The following CREB5 variants were observed in gnomAD, a reference collection of about 807,000 sequenced individuals.
CREB5 encodes cyclic AMP-responsive element-binding protein 5.
Under a neutral mutation model 57.1 loss-of-function variants are expected in CREB5, and 19 were observed. That is an observed-to-expected ratio of 0.33 (90% confidence interval 0.23 to 0.49). The LOEUF (loss-of-function observed/expected upper bound fraction) is 0.49, where lower values mean the gene tolerates loss of function less well. Ranked by LOEUF, CREB5 falls within the 20% of genes least tolerant of loss-of-function variation. The pLI is 0.99. For synonymous variants in CREB5, 238 were observed against 238.3 expected (o/e 1.00, Z 0.01); for missense variants, 579 against 671.6 (o/e 0.86, Z 1.52).
chr7:28,481,751 G>A (rs866375461), intron 1 of CREB5, among the ~76,000 whole-genome samples: 41 of 152,160 alleles, frequency 2.7e-4, no homozygotes, highest in Admixed American at 1.4e-3. Context: ...GATAAAATGA[G>A]TATATGCATG....
chr7:28,560,923 C>CGTGCGT (rs1308050615), intron 4 of CREB5, among the ~76,000 whole-genome samples: 3 of 19,820 alleles, frequency 1.5e-4, no homozygotes, highest in Non-Finnish European at 2.0e-4. Flanking sequence ...TGCGTGTGTG[C>CGTGCGT]GCGTGCGTGT....
chr7:28,468,951 G>T lies in CREB5; in HGVS notation c.4-19224G>T, dbSNP rs572977516. 7.9e-5 allele frequency among the ~76,000 whole-genome samples: 12 copies of T among 152,260 alleles called. No homozygotes were observed. The South Asian group carries it at 2.5e-3, about 32-fold the overall frequency. ...ATGGAGCTCAAATTCAAAATCCCACGCTCTCGACTACTATGTGATCTCCTA... is the reference window on the plus strand; with the variant it reads ...ATGGAGCTCAAATTCAAAATCCCACTCTCTCGACTACTATGTGATCTCCTA... On this transcript the variant is annotated intron_variant, in intron 1 of 10. Coordinates refer to ENST00000357727, the MANE Select transcript of CREB5 (RefSeq NM_182898.4).
intron 1 of CREB5, among the ~76,000 whole-genome samples, chr7:28,414,583 T>C (rs1257286760): frequency 6.6e-6 from 1 of 152,206 alleles, no homozygotes; most frequent in Non-Finnish European, 1.5e-5. Flanking sequence ...TGTGTTGCTA[T>C]TTGTAAAATA....
chr7:28,568,734 T>G (rs1156327497), intron 4 of CREB5, among the ~76,000 whole-genome samples: 3 of 152,150 alleles, frequency 2.0e-5, no homozygotes, highest in African/African-American at 7.2e-5. Flanking sequence ...GTGCCCAGTT[T>G]CCATCTGGAC....
At chr7:28,500,654 A>G (rs760423736) in intron 3 of CREB5, among the ~76,000 whole-genome samples, 4 of 152,228 alleles carry the variant, frequency 2.6e-5, no homozygotes, top group Non-Finnish European at 5.9e-5. Flanking sequence ...GAGGCTAATC[A>G]TGATCATCCA....
At chr7:28,511,081 G>T (rs529506954) in intron 4 of CREB5, among the ~76,000 whole-genome samples, 58 of 152,014 alleles carry the variant, frequency 3.8e-4, no homozygotes, top group South Asian at 3.7e-3. Context: ...CCTGCCTTCA[G>T]GTAGTTTACC....
chr7:28,471,519 A>G (rs973540020), intron 1 of CREB5, among the ~76,000 whole-genome samples: 1 of 152,140 alleles, frequency 6.6e-6, no homozygotes, highest in East Asian at 1.9e-4. Context: ...GTGAACCCAT[A>G]TACTCTAAAA....
At chr7:28,336,242 A>G (rs759697969) in intron 1 of CREB5, among the ~76,000 whole-genome samples, 12 of 151,874 alleles carry the variant, frequency 7.9e-5, no homozygotes, top group Non-Finnish European at 5.9e-5. Flanking sequence ...CTCCTCCTCT[A>G]TTTTTCAGAA....
intron 8 of CREB5, among the ~76,000 whole-genome samples, 188 bp downstream of exon 8, chr7:28,804,710 T>C (rs568896989): frequency 6.6e-6 from 1 of 152,180 alleles, no homozygotes; most frequent in Non-Finnish European, 1.5e-5. Flanking sequence ...ATAATTTCTA[T>C]AAATAATACA....
chr7:28,390,844 T>C (rs1336863413), intron 1 of CREB5, among the ~76,000 whole-genome samples: 1 of 152,140 alleles, frequency 6.6e-6, no homozygotes, highest in Non-Finnish European at 1.5e-5. Context: ...ATGCTTTCCC[T>C]GGCAATTGAC....
At chr7:28,410,497 A>G, upstream of CREB5, 1 of 456,688 alleles carries the variant, frequency 2.2e-6, no homozygotes, top group Non-Finnish European at 4.4e-6. Flanking sequence ...CAGCAGCTGC[A>G]TCCCGCTTCT....
intron 5 of CREB5, among the ~76,000 whole-genome samples, chr7:28,666,250 G>A (rs1418608236): frequency 1.3e-5 from 2 of 152,130 alleles, no homozygotes; most frequent in African/African-American, 4.8e-5. Context: ...GATATTTAAT[G>A]TTCTGTGCCC....
chr7:28,529,582 T>C (rs1793631098), intron 4 of CREB5, among the ~76,000 whole-genome samples: 1 of 152,140 alleles, frequency 6.6e-6, no homozygotes, highest in South Asian at 2.1e-4. Flanking sequence ...CTTCATTCCC[T>C]CAAACACAGA....
At chr7:28,492,355 G>C (rs969785381) in intron 2 of CREB5, among the ~76,000 whole-genome samples, 4 of 152,182 alleles carry the variant, frequency 2.6e-5, no homozygotes, top group African/African-American at 7.2e-5. Context: ...AGAAGGAAGA[G>C]TTTCTCTTGC....
chr7:28,488,315 C>A, intron 2 of CREB5, 69 bp downstream of exon 2: 3 of 1,421,220 alleles, frequency 2.1e-6, no homozygotes, highest in Non-Finnish European at 2.0e-6. Flanking sequence ...AACTCTCACC[C>A]GGCAATCATG....
At position 28,621,483 on chromosome 7, in the gene CREB5, C is replaced by A. The variant is rs552579882; in HGVS notation, c.464+50946C>A. Among the ~76,000 whole-genome samples, 10 of 152,274 alleles carry A rather than the reference C, an allele frequency of 6.6e-5. No homozygotes were observed. In the South Asian group the frequency reaches 1.2e-3, roughly 19 times the overall value. ...ATTTCTAGGCTTTCATGTGACAAGA[C>A]CTTCACAGACTAAATTCAGTGGTGT... On this transcript the variant is annotated intron_variant, in intron 5 of 10. Coordinates refer to ENST00000357727, the MANE Select transcript of CREB5 (RefSeq NM_182898.4).
intron 1 of CREB5, among the ~76,000 whole-genome samples, chr7:28,313,792 T>G (rs1785325093): frequency 6.6e-6 from 1 of 152,234 alleles, no homozygotes; most frequent in South Asian, 2.1e-4. Context: ...ATGCATATTT[T>G]GGCACACACG....
chr7:28,442,721 T>C (rs1376435726), intron 1 of CREB5, among the ~76,000 whole-genome samples: 1 of 152,208 alleles, frequency 6.6e-6, no homozygotes, highest in Non-Finnish European at 1.5e-5. Context: ...AACCACTAAG[T>C]TGTATAGTAA....
intron 1 of CREB5, among the ~76,000 whole-genome samples, chr7:28,454,176 A>G (rs1363864145): frequency 6.6e-6 from 1 of 151,958 alleles, no homozygotes; most frequent in Non-Finnish European, 1.5e-5. Flanking sequence ...GATGGTCTCG[A>G]TCTCCTGACC....
Sources: gnomAD v4.1 joint callset for allele counts (sites outside exome capture counted in the v4.1 genomes callset) on GRCh38, gnomAD v4.1.1 for gene constraint, MANE v1.5 for transcripts, NCBI Gene and HGNC (gene_info 2026-07-23, HGNC 2026-07-21) for gene names.